XPO6: variants seen among roughly 807,000 people sequenced by gnomAD.
XPO6 encodes exportin-6.
A neutral mutation model predicts 130.0 loss-of-function variants in XPO6; 3 were observed. That is an observed-to-expected ratio of 0.02 (90% CI 0.01 to 0.06). The LOEUF (loss-of-function observed/expected upper bound fraction) is 0.06, where lower values mean the gene tolerates loss of function less well. Ranked by LOEUF, XPO6 falls within the 10% of genes least tolerant of loss-of-function variation. The pLI, the probability that XPO6 is intolerant of heterozygous loss-of-function variation, is 1.00. For missense variants in XPO6, 970 were observed against 1,393.0 expected (o/e 0.70, Z 4.83); for synonymous variants, 524 against 548.9 (o/e 0.95, Z 0.63).
chr16:28,164,438 A>G (rs1400986292), intron 6 of XPO6, among the ~76,000 whole-genome samples: 1 of 152,214 alleles, frequency 6.6e-6, no homozygotes, highest in Non-Finnish European at 1.5e-5. Flanking sequence ...CATTACCATA[A>G]AAAGAAAGAA....
At chr16:28,151,399 CAT>C (rs756836096) in intron 8 of XPO6, among the ~76,000 whole-genome samples, 16 of 152,204 alleles carry the variant, frequency 1.1e-4, no homozygotes, top group South Asian at 2.1e-4. Flanking sequence ...AAAATCAACA[CAT>C]GACTGCCACA....
chr16:28,115,954 C>T (rs1005388207), intron 15 of XPO6, among the ~76,000 whole-genome samples: 9 of 152,238 alleles, frequency 5.9e-5, no homozygotes, highest in African/African-American at 2.2e-4. Flanking sequence ...TCACCTCTCT[C>T]AGCCTTCACA....
rs994736457 is a variant in XPO6 at position 28,201,858 on chromosome 16, A to AAAT, written c.3+9505_3+9507dup. ...CGACAAAGCGAGACTCCGTCTCAAA[A>AAAT]AATAATAATAATAATAATAATGTAG... On this transcript the variant is annotated intron_variant, in intron 1 of 23. Coordinates refer to ENST00000304658, the MANE Select transcript of XPO6 (RefSeq NM_015171.4). 2.3e-4 allele frequency among the ~76,000 whole-genome samples: 35 copies of AAAT among 152,166 alleles called. No homozygotes were observed. In the Middle Eastern group the frequency reaches 0.01, roughly 44 times the overall value.
rs777926090 is a variant in XPO6, at chr16:28,211,386, C to T, written c.-18G>A. 2.3e-6 allele frequency: 3 copies of T among 1,312,400 alleles called. No individual in the cohort carries two copies. The highest frequency in any genetic ancestry group is 6.1e-5 in the Admixed American group (2 of 32,732). The allele number at this position is 1,312,400 out of a possible 1,614,324, so 81.3% of individuals were successfully genotyped here. A position where few individuals can be genotyped will look rare whatever the true frequency, so the allele number is the denominator to read the frequency against. On this transcript the variant is annotated 5_prime_UTR_variant, in exon 1 of 24. Coordinates refer to ENST00000304658, the MANE Select transcript of XPO6 (RefSeq NM_015171.4). The stretch of plus-strand genomic sequence containing the variant: ...CTTACCATGCTGGCCGGGGAGGGGG[C>T]GGCTCAGATGAGCTGGTTCTTGGGC...
chr16:28,128,116 C>T (rs534781410), intron 12 of XPO6, among the ~76,000 whole-genome samples: 5 of 152,298 alleles, frequency 3.3e-5, no homozygotes, highest in Non-Finnish European at 7.4e-5. Flanking sequence ...GCCCCAATCT[C>T]TCAGTTAACT....
At chr16:28,160,647 A>C (rs191622315) in intron 6 of XPO6, among the ~76,000 whole-genome samples, 37 of 152,152 alleles carry the variant, frequency 2.4e-4, no homozygotes, top group African/African-American at 8.4e-4. Flanking sequence ...TGTTCTTTCT[A>C]TGTAAGATAC....
At chr16:28,181,779 C>T (rs1390302665) in intron 1 of XPO6, among the ~76,000 whole-genome samples, 1 of 152,074 alleles carries the variant, frequency 6.6e-6, no homozygotes, top group Admixed American at 6.5e-5. Context: ...CAGCTGAGAG[C>T]CAAGCTAACT....
In XPO6 at chr16:28,183,971, G is replaced by T. The variant is rs113595000; in HGVS notation, c.4-2940C>A. On this transcript the variant is annotated intron_variant, in intron 1 of 23. Coordinates refer to ENST00000304658, the MANE Select transcript of XPO6 (RefSeq NM_015171.4). ...TCAAGGATACTGGTTCAAGGATACT[G>T]GAGAATTCCCTGGCTCCCGTTTGGC... Among the ~76,000 whole-genome samples, 705 of 152,320 alleles carry T rather than the reference G, an allele frequency of 4.6e-3. 5 individuals are homozygous for T. Among genetic ancestry groups the T allele is most frequent in the Non-Finnish European group, 8.5e-3 (576 of 68,036 alleles).
intron 6 of XPO6, among the ~76,000 whole-genome samples, chr16:28,160,442 T>C (rs905049395): frequency 7.3e-6 from 1 of 137,636 alleles, no homozygotes; most frequent in African/African-American, 3.0e-5. Context: ...AGGCGGACGC[T>C]GCAGTGAGCC....
chr16:28,184,835 G>A (rs2043670267), intron 1 of XPO6, among the ~76,000 whole-genome samples: 1 of 152,170 alleles, frequency 6.6e-6, no homozygotes, highest in South Asian at 2.1e-4. Context: ...TGTACTGCTG[G>A]TGGGAGTATA....
intron 1 of XPO6, among the ~76,000 whole-genome samples, chr16:28,208,649 A>G (rs149082268): frequency 6.6e-6 from 1 of 152,358 alleles, no homozygotes; most frequent in East Asian, 1.9e-4. Context: ...CAACTACTTT[A>G]CAATTCATTA....
chr16:28,154,763 T>C (rs1349981207), intron 7 of XPO6, among the ~76,000 whole-genome samples: 1 of 152,156 alleles, frequency 6.6e-6, no homozygotes, highest in Non-Finnish European at 1.5e-5. Flanking sequence ...GACTACATTA[T>C]GATTAAAGTC....
intron 8 of XPO6, among the ~76,000 whole-genome samples, chr16:28,150,945 G>A (rs2043075664): frequency 6.6e-6 from 1 of 151,854 alleles, no homozygotes; most frequent in Admixed American, 6.6e-5. Context: ...TGCTCTGCAC[G>A]CACTTGCCCC....
Position 28,101,927 on chromosome 16 carries a change from G to C in XPO6, c.2965C>G (p.Leu989Val). Residue 989 changes from leucine (L) to valine (V), a missense_variant, in exon 22 of 24, where the codon CTC becomes GTC. Transcript: ENST00000304658. The surrounding 1 kb of genome is among the most constrained non-coding windows in gnomAD (Gnocchi z 5.4). The stretch of plus-strand genomic sequence containing the variant: ...TTAAAAAGGTGGATGTCGGGCTGGA[G>C]AAAGGACTGTCCGAAAGCCTAGGAA... ...AIMQAFGQSF[L>V]QPDIHLFKQN... 1 of 1,614,092 alleles carries C rather than the reference G, an allele frequency of 6.2e-7. No homozygotes were observed. The highest frequency in any genetic ancestry group is 8.5e-7 in the Non-Finnish European group (1 of 1,180,008).
chr16:28,178,378 T>C (rs2043564272), intron 2 of XPO6, among the ~76,000 whole-genome samples: 1 of 151,514 alleles, frequency 6.6e-6, no homozygotes, highest in South Asian at 2.1e-4. Flanking sequence ...AAGACCAGCC[T>C]GGGCAACACT....
At chr16:28,104,981 G>T (rs192661192) in intron 20 of XPO6, among the ~76,000 whole-genome samples, 1 of 152,382 alleles carries the variant, frequency 6.6e-6, no homozygotes, top group Non-Finnish European at 1.5e-5. Flanking sequence ...GCACGGGTCA[G>T]TGCCAAGGGC....
At chr16:28,186,719 TG>T (rs1596953027) in intron 1 of XPO6, among the ~76,000 whole-genome samples, 2 of 150,086 alleles carry the variant, frequency 1.3e-5, no homozygotes, top group Non-Finnish European at 2.9e-5. Flanking sequence ...CACCCCAGAC[TG>T]GAGTGCAGTG....
Position 28,166,498 on chromosome 16 carries a change from C to T in XPO6, c.643+10G>A, listed in dbSNP as rs962939039. The T allele has an allele frequency of 1.3e-6, 2 of 1,578,062 alleles. No homozygotes were observed. Among genetic ancestry groups the T allele is most frequent in the South Asian group, 2.3e-5 (2 of 86,364 alleles). ...AAAGAAGAATGCCTTGGCTGGCAGG[C>T]AGACCATACCACTTTCTCCTGAGGT... On this transcript the variant is annotated intron_variant, in intron 6 of 23. Transcript: ENST00000304658.
intron 9 of XPO6, 29 bp downstream of exon 9, chr16:28,146,065 A>G (rs1455790728): frequency 6.5e-7 from 1 of 1,540,782 alleles, no homozygotes; most frequent in Non-Finnish European, 9.0e-7. Flanking sequence ...AAATGACCAT[A>G]TCTAGTTTTC....
Sources: allele counts gnomAD v4.1 joint callset (sites outside exome capture counted in the v4.1 genomes callset), GRCh38; gene constraint gnomAD v4.1.1; non-coding constraint Gnocchi (gnomAD v3.1); transcripts MANE v1.5; gene names NCBI Gene and HGNC (gene_info 2026-07-23, HGNC 2026-07-21).